The following KALRN variants were observed in gnomAD, a reference collection of about 807,000 sequenced individuals.
The protein encoded by KALRN is kalirin.
In KALRN, 70 loss-of-function variants were observed where a neutral mutation model predicts 353.7. The ratio of observed to expected loss-of-function variants is 0.20; its 90% CI spans 0.16 to 0.24. The LOEUF is 0.24. KALRN is among the 10% of genes least tolerant of loss of function. KALRN has a pLI of 1.00. For synonymous variants in KALRN, 1,391 were observed against 1,434.8 expected (o/e 0.97, Z 0.69); for missense variants, 2,791 against 3,756.7 (o/e 0.74, Z 6.72).
chr3:124,264,375 TG>T, intron 3 of KALRN, 122 bp from the exon 4 acceptor site: 1 of 767,804 alleles, frequency 1.3e-6, no homozygotes, highest in Non-Finnish European at 2.1e-6. Context: ...CCAAGAGACC[TG>T]GCATGAAGTT....
chr3:124,623,073 CTT>C (rs914163382), intron 34 of KALRN, among the ~76,000 whole-genome samples: 13 of 152,008 alleles, frequency 8.6e-5, no homozygotes, highest in African/African-American at 2.9e-4. Flanking sequence ...TCTTTCTTTT[CTT>C]TTTTTCTTTC....
chr3:124,230,857 C>CAAA (rs796655959), intron 2 of KALRN, among the ~76,000 whole-genome samples: 4 of 93,698 alleles, frequency 4.3e-5, no homozygotes, highest in Non-Finnish European at 7.1e-5. Context: ...CCCCCAAAAC[C>CAAA]AAAAAAAAAA....
At chr3:124,160,143 A>C (rs72972684) in intron 1 of KALRN, among the ~76,000 whole-genome samples, 10,990 of 150,096 alleles carry the variant, frequency 0.073, 1,334 homozygotes, top group African/African-American at 0.25. Context: ...AGATGAAGTC[A>C]TACTAGATTA....
intron 1 of KALRN, among the ~76,000 whole-genome samples, chr3:124,205,212 A>T (rs917424453): frequency 3.9e-5 from 6 of 152,138 alleles, no homozygotes; most frequent in African/African-American, 1.4e-4. Flanking sequence ...TTGTGTAAAT[A>T]CTCCTATCAT....
intron 1 of KALRN, among the ~76,000 whole-genome samples, chr3:124,063,247 C>T (rs888253029): frequency 1.3e-5 from 2 of 152,128 alleles, no homozygotes; most frequent in African/African-American, 4.8e-5. Flanking sequence ...GAGGGTTCAG[C>T]GTCTTTAATC....
intron 35 of KALRN, among the ~76,000 whole-genome samples, chr3:124,633,288 T>G (rs13087377): frequency 0.38 from 57,482 of 152,136 alleles, 10,934 homozygotes; most frequent in East Asian, 0.43. Context: ...TTTGAGAGAC[T>G]GTAGCCAAAG....
At chr3:124,437,277 G>A (rs1219126078) in intron 17 of KALRN, among the ~76,000 whole-genome samples, 3 of 152,252 alleles carry the variant, frequency 2.0e-5, no homozygotes. Context: ...CCTCAAGTTT[G>A]GTGACAGATC....
Position 124,633,881 on chromosome 3 carries a change from G to A in KALRN, c.5496G>A (p.Pro1832=), listed in dbSNP as rs652863. 63,016 of 1,613,562 alleles carry A rather than the reference G, an allele frequency of 0.039. 1,958 individuals are homozygous for A. Among genetic ancestry groups the A allele is most frequent in the African/African-American group, 0.16 (11,972 of 74,926 alleles). Residue 1832 remains proline (P), a synonymous_variant, in exon 36 of 60, where the codon CCG becomes CCA. Coordinates refer to ENST00000682506, the MANE Select transcript of KALRN (RefSeq NM_001388419.1). ...AGAAAGGTTGGGGTGAAGATGAGCC[G>A]GATGAAGAGTCACACACACCCCTCC... ...ESKKGWGEDE[P]DEESHTPLPP... is the part of the protein sequence containing the mutation.
At chr3:124,261,169 C>T (rs368998574) in intron 3 of KALRN, among the ~76,000 whole-genome samples, 13 of 151,704 alleles carry the variant, frequency 8.6e-5, no homozygotes, top group African/African-American at 2.4e-4. Flanking sequence ...GGATTATATG[C>T]GTGAGCCAGC....
At chr3:124,187,037 A>G (rs1256760761) in intron 1 of KALRN, among the ~76,000 whole-genome samples, 2 of 152,308 alleles carry the variant, frequency 1.3e-5, no homozygotes, top group East Asian at 3.9e-4. Context: ...GCTGAAAGAC[A>G]CAGTAATTAG....
Position 124,428,761 on chromosome 3 carries a change from G to A in KALRN, c.2710-1895G>A, listed in dbSNP as rs114957907. 6.1e-3 allele frequency among the ~76,000 whole-genome samples: 936 copies of A among 152,282 alleles called. 11 individuals carry two copies. Among genetic ancestry groups the A allele is most frequent in the African/African-American group, 0.02 (844 of 41,552 alleles). ...AAAAGTAGGTACTGAAACCCATGATGTTTCTAAATGGGAAGCTTGTAAGTA... is the reference window on the plus strand; with the variant it reads ...AAAAGTAGGTACTGAAACCCATGATATTTCTAAATGGGAAGCTTGTAAGTA... On this transcript the variant is annotated intron_variant, in intron 15 of 59. Coordinates refer to ENST00000682506, the MANE Select transcript of KALRN (RefSeq NM_001388419.1).
intron 1 of KALRN, among the ~76,000 whole-genome samples, chr3:124,223,167 C>A (rs897496125): frequency 6.6e-6 from 1 of 151,780 alleles, no homozygotes; most frequent in African/African-American, 2.4e-5. Context: ...CCTTGGAGAG[C>A]AGGATCCATT....
intron 3 of KALRN, among the ~76,000 whole-genome samples, chr3:124,242,934 G>T (rs2080670256): frequency 6.6e-6 from 1 of 152,092 alleles, no homozygotes; most frequent in Admixed American, 6.6e-5. Context: ...AGAGATGTAG[G>T]GAGAAAACAA....
chr3:124,592,524 C>T (rs988334264), intron 34 of KALRN, among the ~76,000 whole-genome samples: 1 of 151,942 alleles, frequency 6.6e-6, no homozygotes, highest in African/African-American at 2.4e-5. Context: ...TCATTGGAAA[C>T]GTTTTTCTCT....
At position 124,099,122 on chromosome 3, in the gene KALRN, A is replaced by G. The variant is rs75235332; in HGVS notation, c.73+65309A>G. ...CTTATTTATGTTAGGAACATTTCAA[A>G]TCTTCTCTTCTAGCTATTATGAACT... On this transcript the variant is annotated intron_variant, in intron 1 of 59. Coordinates refer to ENST00000682506, the MANE Select transcript of KALRN (RefSeq NM_001388419.1). 3.2e-4 allele frequency among the ~76,000 whole-genome samples: 49 copies of G among 152,222 alleles called. 2 individuals are homozygous for G. The East Asian group carries it at 9.1e-3, about 28-fold the overall frequency.
intron 1 of KALRN, among the ~76,000 whole-genome samples, chr3:124,066,257 AGAG>A (rs1462170239): frequency 1.3e-5 from 2 of 152,250 alleles, no homozygotes; most frequent in African/African-American, 4.8e-5. Context: ...GTAGGGATGA[AGAG>A]GGGTGTGGAG....
intron 1 of KALRN, among the ~76,000 whole-genome samples, chr3:124,126,953 T>C (rs1464369441): frequency 1.3e-5 from 2 of 152,224 alleles, no homozygotes; most frequent in African/African-American, 4.8e-5. Context: ...TATCTGGCCA[T>C]TATCCAAGTG....
At chr3:124,412,278 T>C (rs981616624) in intron 13 of KALRN, among the ~76,000 whole-genome samples, 1 of 152,142 alleles carries the variant, frequency 6.6e-6, no homozygotes, top group African/African-American at 2.4e-5. Context: ...GGTTATGCCA[T>C]GTGGGAGCTG....
At chr3:124,120,761 T>C (rs2063927100) in intron 1 of KALRN, among the ~76,000 whole-genome samples, 1 of 146,372 alleles carries the variant, frequency 6.8e-6, no homozygotes, top group Non-Finnish European at 1.5e-5. Flanking sequence ...CATAATTAGC[T>C]AACTATTCAT....
Sources: gnomAD v4.1 joint callset for allele counts (sites outside exome capture counted in the v4.1 genomes callset) on GRCh38, gnomAD v4.1.1 for gene constraint, MANE v1.5 for transcripts, NCBI Gene and HGNC (gene_info 2026-07-23, HGNC 2026-07-21) for gene names.